The following PTPA variants were observed in gnomAD, a reference collection of about 807,000 sequenced individuals.
The protein encoded by PTPA is protein phosphatase 2 phosphatase activator.
In PTPA, 13 loss-of-function variants were observed where a neutral mutation model predicts 43.6. That is an observed-to-expected ratio of 0.30 (90% CI 0.19 to 0.47). The LOEUF is 0.47. Ranked by LOEUF, PTPA falls within the 20% of genes least tolerant of loss-of-function variation. PTPA has a pLI of 0.99. For synonymous variants in PTPA, 172 were observed against 158.2 expected (o/e 1.09, Z -0.66); for missense variants, 329 against 411.9 (o/e 0.80, Z 1.74).
chr9:129,126,107 C>T (rs149425590), intron 3 of PTPA, among the ~76,000 whole-genome samples: 4,471 of 151,458 alleles, frequency 0.03, 254 homozygotes, highest in East Asian at 0.27. Context: ...CAAGATGGTG[C>T]CACTGCACTC....
intron 5 of PTPA, among the ~76,000 whole-genome samples, chr9:129,133,356 G>T (rs923234234): frequency 5.3e-5 from 8 of 152,224 alleles, no homozygotes; most frequent in African/African-American, 1.9e-4. Context: ...GGCCAGGTCA[G>T]CAGGGGTTGG....
chr9:129,139,391 G>A (rs1464173877), intron 8 of PTPA: 1 of 152,318 alleles, frequency 6.6e-6, no homozygotes, highest in African/African-American at 2.4e-5. Flanking sequence ...AGAAGGAACA[G>A]GGAGGGGAGG....
At chr9:129,136,629 C>G (rs541420565) in intron 7 of PTPA, 34 bp downstream of exon 7, 2 of 1,577,390 alleles carry the variant, frequency 1.3e-6, no homozygotes, top group Non-Finnish European at 1.7e-6. Flanking sequence ...CCCTCCACCC[C>G]CAACCAAGGC....
At position 129,111,624 on chromosome 9, in the gene PTPA, G is replaced by A. The variant is rs773502942; in HGVS notation, c.24G>A (p.Pro8=). ...AGATGGCTGAGGGCGAGCGGCAGCC[G>A]CCGCCAGGTAAGGCCGGCGGGGCCA... is the stretch of plus-strand genomic sequence containing the variant. MAEGERQ[P]PPDSSEEAPP... Residue 8 remains proline (P), a synonymous_variant, in exon 1 of 10, where the codon CCG becomes CCA. Transcript: ENST00000393370. The A allele has an allele frequency of 2.4e-5, 31 of 1,275,800 alleles. 1 individual carries two copies. The African/African-American group carries it at 3.9e-4, about 16-fold the overall frequency. The allele number at this position is 1,275,800 out of a possible 1,614,324, so 79.0% of individuals were successfully genotyped here.
At position 129,148,282 on chromosome 9, in the gene PTPA, G is replaced by A. The variant is rs1474367380; in HGVS notation, c.*818G>A. The A allele has an allele frequency of 1.3e-5, 2 of 152,550 alleles. No individual in the cohort carries two copies. Among genetic ancestry groups the A allele is most frequent in the Non-Finnish European group, 2.9e-5 (2 of 68,258 alleles). 9.4% of individuals were successfully genotyped at this position (152,550 alleles called of 1,614,324 possible). A position where few individuals can be genotyped will look rare whatever the true frequency, so the allele number is the denominator to read the frequency against. On this transcript the variant is annotated 3_prime_UTR_variant, in exon 10 of 10. Transcript: ENST00000393370. The stretch of plus-strand genomic sequence containing the variant: ...GTCTTTCCAGAACTTTCCCTGGCAG[G>A]GAGGGGATGGCAGAAACTCAGGGAG...
At chr9:129,113,467 C>T (rs1037975762) in intron 1 of PTPA, among the ~76,000 whole-genome samples, 2 of 151,642 alleles carry the variant, frequency 1.3e-5, no homozygotes, top group African/African-American at 4.8e-5. Flanking sequence ...ACAAGCTAGC[C>T]TTAGAAGTTC....
At chr9:129,115,903 A>G (rs945585919) in intron 1 of PTPA, among the ~76,000 whole-genome samples, 27 of 150,740 alleles carry the variant, frequency 1.8e-4, no homozygotes, top group Non-Finnish European at 7.4e-5. Context: ...TCCGTCTCCC[A>G]AAGTGCTGCG....
At chr9:129,143,442 C>T (rs1288260823) in intron 9 of PTPA, 28 of 702,850 alleles carry the variant, frequency 4.0e-5, no homozygotes, top group Admixed American at 2.4e-4. Flanking sequence ...GACTCCTGGC[C>T]GGCCTTCTCT....
chr9:129,142,986 G>T (rs1390908620), intron 9 of PTPA: 3 of 1,306,742 alleles, frequency 2.3e-6, no homozygotes, highest in African/African-American at 1.5e-5. Flanking sequence ...TAGTGTGTAT[G>T]ATCACTGAGT....
chr9:129,123,345 G>A (rs1248411395), intron 3 of PTPA, among the ~76,000 whole-genome samples: 5 of 152,022 alleles, frequency 3.3e-5, no homozygotes, highest in Non-Finnish European at 1.5e-5. Flanking sequence ...GGTGACGGGC[G>A]CCTGTAGTCC....
In PTPA at chr9:129,111,435, C is replaced by T. The variant is rs541532986; in HGVS notation, c.-166C>T. 9 of 1,249,662 alleles carry T rather than the reference C, an allele frequency of 7.2e-6. No individual in the cohort carries two copies. The highest frequency in any genetic ancestry group is 9.1e-6 in the Non-Finnish European group (9 of 989,624). 77.4% of individuals were successfully genotyped at this position (1,249,662 alleles called of 1,614,324 possible). A position where few individuals can be genotyped will look rare whatever the true frequency, so the allele number is the denominator to read the frequency against. ...CCCGCACCGACATGGCGGCCGTCTT[C>T]GCTGTGGTGACTTTAACTCTCGGTT... On this transcript the variant is annotated 5_prime_UTR_variant, in exon 1 of 10. Coordinates refer to ENST00000393370, the MANE Select transcript of PTPA (RefSeq NM_178000.3).
At chr9:129,119,356 C>T (rs932308773) in intron 1 of PTPA, among the ~76,000 whole-genome samples, 5 of 151,508 alleles carry the variant, frequency 3.3e-5, no homozygotes, top group South Asian at 2.1e-4. Context: ...TTTACGTGTC[C>T]GTGCTTATTC....
rs1849966161 is a variant in PTPA at position 129,131,504 on chromosome 9, T to C, written c.343-18T>C. On this transcript the variant is annotated intron_variant, in intron 4 of 9. Transcript: ENST00000393370. ...TGCTTAATATGCTGCCACCACTTTG[T>C]GTCTCTTGTGTTACCAGGAAGCAGA... 6.2e-7 allele frequency: 1 copy of C among 1,609,630 alleles called. No individual in the cohort carries two copies. Among genetic ancestry groups the C allele is most frequent in the African/African-American group, 1.3e-5 (1 of 74,828 alleles).
intron 2 of PTPA, among the ~76,000 whole-genome samples, chr9:129,121,706 A>G (rs754548302): frequency 1.3e-5 from 2 of 152,198 alleles, no homozygotes; most frequent in Non-Finnish European, 2.9e-5. Flanking sequence ...CACAACTAAC[A>G]TTGTCTCCAG....
Position 129,142,451 on chromosome 9 carries a change from A to G in PTPA, c.793A>G (p.Thr265Ala), listed in dbSNP as rs2098034540. 1 of 1,582,858 alleles carries G rather than the reference A, an allele frequency of 6.3e-7. No homozygotes were observed. ...TGTGGCTTCTCTTTTTCAGATGAAG[A>G]CTGGCCCATTTGCAGAGCACTCCAA... ...ECILFITEMK[T>A]GPFAEHSNQL... The change falls in exon 9 of 10, where the codon ACT becomes GCT. Residue 265 changes from threonine to alanine, a missense_variant. By Grantham distance (58) the Thr-to-Ala change is moderately conservative (BLOSUM62 0). Transcript: ENST00000393370.
intron 5 of PTPA, 68 bp from the exon 6 acceptor site, chr9:129,134,727 T>C (rs554290949): frequency 3.0e-5 from 39 of 1,307,456 alleles, no homozygotes; most frequent in Non-Finnish European, 3.9e-5. Flanking sequence ...ATTCGGATTC[T>C]GGGAGACTAA....
At chr9:129,111,115 C>A, upstream of PTPA, 1 of 1,330,186 alleles carries the variant, frequency 7.5e-7, no homozygotes, top group Non-Finnish European at 1.0e-6. Flanking sequence ...CCATGTTGAC[C>A]GGGGAATGTC....
chr9:129,132,562 A>G (rs958621807), intron 5 of PTPA, among the ~76,000 whole-genome samples: 25 of 152,138 alleles, frequency 1.6e-4, no homozygotes, highest in African/African-American at 5.8e-4. Flanking sequence ...GTGCAGTGGC[A>G]TGATCTTGGC....
At chr9:129,129,138 A>T in intron 4 of PTPA, 28 bp downstream of exon 4, 1 of 1,609,840 alleles carries the variant, frequency 6.2e-7, no homozygotes, top group Non-Finnish European at 8.5e-7. Context: ...CAGGCCAGGG[A>T]CTGGGCTGGC....
Sources: allele counts gnomAD v4.1 joint callset (sites outside exome capture counted in the v4.1 genomes callset), GRCh38; gene constraint gnomAD v4.1.1; transcripts MANE v1.5; gene names NCBI Gene and HGNC (gene_info 2026-07-23, HGNC 2026-07-21).